Variants in MIER1 observed in about 807,000 individuals in gnomAD.
The protein encoded by MIER1 is MIER1 transcriptional regulator, also known as mesoderm induction early response protein 1.
In MIER1, 40 loss-of-function variants were observed where a neutral mutation model predicts 75.7. The observed-to-expected ratio is 0.53, with a 90% CI of 0.41 to 0.69. MIER1 has a LOEUF of 0.69. MIER1 is among the 30% of genes least tolerant of loss of function. MIER1 has a pLI of 0.00. For synonymous variants in MIER1, 213 were observed against 223.4 expected (o/e 0.95, Z 0.42); for missense variants, 574 against 680.2 (o/e 0.84, Z 1.74).
intron 2 of MIER1, among the ~76,000 whole-genome samples, chr1:66,932,472 AAGAC>A (rs1189165042): frequency 1.3e-5 from 2 of 152,180 alleles, no homozygotes; most frequent in African/African-American, 4.8e-5. Context: ...AAAAAAATCT[AAGAC>A]AGGTGAAGAA....
At chr1:66,928,900 T>C in intron 2 of MIER1, 1 of 1,605,604 alleles carries the variant, frequency 6.2e-7, no homozygotes, top group Non-Finnish European at 8.5e-7. Context: ...AAAATGTGCA[T>C]CAGATGTTTA....
intron 2 of MIER1, among the ~76,000 whole-genome samples, chr1:66,930,916 A>C (rs1653119534): frequency 6.6e-6 from 1 of 152,100 alleles, no homozygotes; most frequent in Non-Finnish European, 1.5e-5. Context: ...AGAGTGGATA[A>C]ATTAATCTGG....
chr1:66,950,432 A>G (rs904219948), intron 4 of MIER1, among the ~76,000 whole-genome samples: 1 of 152,200 alleles, frequency 6.6e-6, no homozygotes, highest in African/African-American at 2.4e-5. Flanking sequence ...TGTTTGCTAC[A>G]AATAGAAACA....
At chr1:66,972,739 ATTG>A (rs1203549318) in intron 10 of MIER1, among the ~76,000 whole-genome samples, 155 bp from the exon 11 acceptor site, 1 of 152,170 alleles carries the variant, frequency 6.6e-6, no homozygotes, top group East Asian at 1.9e-4. Context: ...TAAATAAGGA[ATTG>A]TTGTCACTTT....
In MIER1 at chr1:66,945,318, A is replaced by AT. The variant is rs1558042276; in HGVS notation, c.194-832_194-831insT. Among the ~76,000 whole-genome samples the AT allele has an allele frequency of 7.3e-4, 99 of 134,820 alleles. 2 individuals are homozygous for AT. The highest frequency in any genetic ancestry group is 1.1e-3 in the Non-Finnish European group (68 of 60,540). 88.4% of individuals were successfully genotyped at this position (134,820 alleles called of 152,430 possible). On this transcript the variant is annotated intron_variant, in intron 3 of 13. Transcript: ENST00000401041. ...ATATATATATATATATATATATATA[A>AT]AATACCTAATATAGGTAAATGCTAT...
intron 12 of MIER1, among the ~76,000 whole-genome samples, chr1:66,978,874 T>C (rs1294097449): frequency 3.9e-5 from 6 of 152,232 alleles, no homozygotes; most frequent in Admixed American, 2.6e-4. Flanking sequence ...AATTTCTCTA[T>C]TGATCTCCCC....
At chr1:66,981,983 G>A in intron 13 of MIER1, 65 bp downstream of exon 13, 1 of 1,557,018 alleles carries the variant, frequency 6.4e-7, no homozygotes, top group South Asian at 1.2e-5. Flanking sequence ...AGTGACTTGG[G>A]AAATTCCGTT....
At position 66,939,186 on chromosome 1, in the gene MIER1, G is replaced by A. The variant is rs1052339469; in HGVS notation, c.169-842G>A. 5.1e-4 allele frequency among the ~76,000 whole-genome samples: 77 copies of A among 152,182 alleles called. 1 individual carries two copies. Among genetic ancestry groups the A allele is most frequent in the Admixed American group, 1.2e-3 (18 of 15,288 alleles). On this transcript the variant is annotated intron_variant, in intron 2 of 13. Transcript: ENST00000401041. ...TCATGTTATTTGAAGCATCTTTTGA[G>A]TTTTTAATATTTGTTTTGTGGGAGT...
intron 2 of MIER1, among the ~76,000 whole-genome samples, chr1:66,936,381 T>C (rs986754250): frequency 1.3e-5 from 2 of 151,674 alleles, no homozygotes; most frequent in Admixed American, 6.6e-5. Context: ...CACCAAATTT[T>C]TTATTAAAAA....
In MIER1 at chr1:66,987,282, TATC is replaced by T. The variant is rs553047175; in HGVS notation, c.*2385_*2387del. The T allele has an allele frequency of 3.4e-3, 527 of 152,818 alleles. 2 individuals are homozygous for T. The highest frequency in any genetic ancestry group is 0.012 in the African/African-American group (499 of 41,558). 9.5% of individuals were successfully genotyped at this position (152,818 alleles called of 1,614,324 possible). ...TGCACTATTTAAAAAGTTTTAGTAA[TATC>T]ATGAATTTAATTTGCTTAAGATTTA... is the stretch of plus-strand genomic sequence containing the variant. On this transcript the variant is annotated 3_prime_UTR_variant, in exon 14 of 14. Coordinates refer to ENST00000401041, the MANE Select transcript of MIER1 (RefSeq NM_001077700.3).
intron 4 of MIER1, among the ~76,000 whole-genome samples, chr1:66,950,381 T>C (rs540409202): frequency 1.6e-4 from 25 of 152,274 alleles, no homozygotes; most frequent in Non-Finnish European, 3.2e-4. Context: ...AGTGCTGGGG[T>C]TACAGGCGTG....
chr1:66,961,946 A>G (rs1165752779), intron 7 of MIER1, among the ~76,000 whole-genome samples: 2 of 152,236 alleles, frequency 1.3e-5, no homozygotes, highest in Non-Finnish European at 2.9e-5. Context: ...TTGAAGTTGT[A>G]CTGGATAAAA....
At chr1:66,949,199 A>G (rs1013196523) in intron 4 of MIER1, among the ~76,000 whole-genome samples, 3 of 152,216 alleles carry the variant, frequency 2.0e-5, no homozygotes, top group Admixed American at 6.5e-5. Flanking sequence ...CTTATATTCT[A>G]TATTAGCTAA....
Position 66,971,104 on chromosome 1 carries a change from C to T in MIER1, c.924+145C>T, listed in dbSNP as rs191748671. ...TGAGGTTATAATCCCTGTAAGATAT[C>T]CGTTGTTACCACAGTGACTTCATTG... On this transcript the variant is annotated intron_variant, in intron 9 of 13. Coordinates refer to ENST00000401041, the MANE Select transcript of MIER1 (RefSeq NM_001077700.3). 19 of 707,146 alleles carry T rather than the reference C, an allele frequency of 2.7e-5. No individual in the cohort carries two copies. In the African/African-American group the frequency reaches 3.6e-4, roughly 13 times the overall value. 43.8% of individuals were successfully genotyped at this position (707,146 alleles called of 1,614,324 possible). A position where few individuals can be genotyped will look rare whatever the true frequency, so the allele number is the denominator to read the frequency against.
intron 4 of MIER1, among the ~76,000 whole-genome samples, chr1:66,953,953 T>G (rs1659562694): frequency 6.6e-6 from 1 of 152,140 alleles, no homozygotes; most frequent in Non-Finnish European, 1.5e-5. Flanking sequence ...TTTTTCCATG[T>G]GATAAAGCCC....
intron 13 of MIER1, among the ~76,000 whole-genome samples, chr1:66,983,978 C>G (rs928684733): frequency 1.3e-5 from 2 of 152,212 alleles, no homozygotes; most frequent in Non-Finnish European, 2.9e-5. Context: ...CCCGCCTTGG[C>G]CTCCCAAAGT....
At chr1:66,929,144 A>C (rs1399790363) in intron 2 of MIER1, 6 of 648,366 alleles carry the variant, frequency 9.3e-6, no homozygotes, top group Non-Finnish European at 1.7e-5. Flanking sequence ...CCTATATTGC[A>C]TTATAAGTTA....
chr1:66,960,022 C>G (rs542405842), intron 7 of MIER1: 1 of 202,004 alleles, frequency 5.0e-6, no homozygotes, highest in Admixed American at 6.0e-5. Context: ...AGTTCGAGAC[C>G]AGCCTGGGCA....
At chr1:66,947,986 A>G (rs534890735) in intron 4 of MIER1, 8 of 984,734 alleles carry the variant, frequency 8.1e-6, no homozygotes, top group East Asian at 1.1e-4. Context: ...ATTAGGTTTT[A>G]ATTAGTTTTT....
Sources: allele counts gnomAD v4.1 joint callset (sites outside exome capture counted in the v4.1 genomes callset), GRCh38; gene constraint gnomAD v4.1.1; transcripts MANE v1.5; gene names NCBI Gene and HGNC (gene_info 2026-07-23, HGNC 2026-07-21).